QTMAN: variants seen among roughly 807,000 people sequenced by gnomAD.
QTMAN encodes the protein queuosine-tRNA mannosyltransferase, also known as tRNA-queuosine alpha-mannosyltransferase.
the QTMAN span, among the ~76,000 whole-genome samples, chr2:144,153,795 A>C: frequency 6.6e-6 from 1 of 152,218 alleles, no homozygotes; most frequent in Non-Finnish European, 1.5e-5. Flanking sequence ...TAATATTGTA[A>C]TGTTGATGGT....
chr2:144,046,640 TATATA>T, the QTMAN span, among the ~76,000 whole-genome samples: 30 of 152,234 alleles, frequency 2.0e-4, no homozygotes, highest in Non-Finnish European at 3.4e-4. Context: ...ATATTAAGAT[TATATA>T]ATATGATACA....
the QTMAN span, among the ~76,000 whole-genome samples, chr2:144,232,683 A>G: frequency 6.6e-6 from 1 of 152,208 alleles, no homozygotes; most frequent in Non-Finnish European, 1.5e-5. Flanking sequence ...TTTTTAAAAT[A>G]GATCACTCTA....
At chr2:144,145,515 C>A in the QTMAN span, 1 of 1,285,468 alleles carries the variant, frequency 7.8e-7, no homozygotes, top group African/African-American at 1.5e-5. Flanking sequence ...AAAACGTAAC[C>A]ACCTACAAAG....
the QTMAN span, chr2:144,007,419 T>C: frequency 1.2e-6 from 2 of 1,613,120 alleles, no homozygotes; most frequent in African/African-American, 1.3e-5. Context: ...CTTCAATAAA[T>C]CCTCTGAATC....
chr2:144,045,440 T>G, the QTMAN span, among the ~76,000 whole-genome samples: 2 of 152,232 alleles, frequency 1.3e-5, no homozygotes, highest in Non-Finnish European at 2.9e-5. Flanking sequence ...GATGCAAGAT[T>G]TGAATCCAGA....
At chr2:144,117,801 G>A in the QTMAN span, among the ~76,000 whole-genome samples, 1 of 151,688 alleles carries the variant, frequency 6.6e-6, no homozygotes, top group Admixed American at 6.6e-5. Context: ...TAAAGTACTT[G>A]AGATTTATCT....
chr2:144,011,120 T>C, the QTMAN span, among the ~76,000 whole-genome samples: 1 of 152,172 alleles, frequency 6.6e-6, no homozygotes, highest in Non-Finnish European at 1.5e-5. Flanking sequence ...ATTATAGTGA[T>C]TGTCACCAAA....
At chr2:143,999,049 C>T in the QTMAN span, among the ~76,000 whole-genome samples, 3 of 151,972 alleles carry the variant, frequency 2.0e-5, no homozygotes, top group African/African-American at 7.2e-5. Flanking sequence ...CTAAGTACCC[C>T]TAATTGCCAG....
chr2:144,182,977 C>T, the QTMAN span, among the ~76,000 whole-genome samples: 3 of 136,136 alleles, frequency 2.2e-5, no homozygotes, highest in African/African-American at 8.0e-5. Context: ...ATATTTGAAA[C>T]AATTATTAAG....
chr2:143,961,542 C>A, the QTMAN span, among the ~76,000 whole-genome samples: 3 of 152,134 alleles, frequency 2.0e-5, no homozygotes, highest in Non-Finnish European at 2.9e-5. Flanking sequence ...CCCAAGTACA[C>A]ATTTCTCAAA....
chr2:144,142,438 T>C, the QTMAN span, among the ~76,000 whole-genome samples: 12 of 152,094 alleles, frequency 7.9e-5, no homozygotes, highest in African/African-American at 1.9e-4. Context: ...CTGTCAGTGA[T>C]GTGCATCATT....
At chr2:144,217,786 A>C in the QTMAN span, among the ~76,000 whole-genome samples, 1 of 152,162 alleles carries the variant, frequency 6.6e-6, no homozygotes, top group South Asian at 2.1e-4. Context: ...ATGCCAATAA[A>C]GGTTTGGAGT....
the QTMAN span, among the ~76,000 whole-genome samples, chr2:144,100,179 C>T: frequency 2.0e-5 from 3 of 152,180 alleles, no homozygotes; most frequent in African/African-American, 7.2e-5. Context: ...GTATTAAGCT[C>T]TATAAAACAC....
chr2:144,128,910 T>C, the QTMAN span, among the ~76,000 whole-genome samples: 3 of 151,630 alleles, frequency 2.0e-5, no homozygotes, highest in African/African-American at 7.3e-5. Flanking sequence ...AACTTATGAA[T>C]TGTTTTGAGT....
the QTMAN span, among the ~76,000 whole-genome samples, chr2:144,058,101 G>C: frequency 7.2e-6 from 1 of 139,772 alleles, no homozygotes; most frequent in African/African-American, 3.0e-5. Flanking sequence ...AAAAAAAAAA[G>C]AAAGAAAGAA....
At chr2:144,230,758 T>A in the QTMAN span, among the ~76,000 whole-genome samples, 1 of 152,186 alleles carries the variant, frequency 6.6e-6, no homozygotes, top group African/African-American at 2.4e-5. Context: ...TGCATTTCAA[T>A]TGCTGCTTTA....
chr2:144,313,128 A>C, the QTMAN span, among the ~76,000 whole-genome samples: 1 of 152,192 alleles, frequency 6.6e-6, no homozygotes, highest in Non-Finnish European at 1.5e-5. Flanking sequence ...GGCTGGAAAA[A>C]AAAGGTCCAT....
chr2:144,237,976 T>G, the QTMAN span, among the ~76,000 whole-genome samples: 1 of 152,200 alleles, frequency 6.6e-6, no homozygotes, highest in East Asian at 1.9e-4. Flanking sequence ...GAGAGCCATT[T>G]TCTAAGCAGA....
the QTMAN span, among the ~76,000 whole-genome samples, chr2:144,078,308 T>C: frequency 2.6e-5 from 4 of 152,372 alleles, 1 homozygote; most frequent in South Asian, 8.3e-4. Flanking sequence ...TCCTACACTC[T>C]ACTGCACTTT....
Sources: allele counts gnomAD v4.1 joint callset (sites outside exome capture counted in the v4.1 genomes callset), GRCh38; gene constraint gnomAD v4.1.1; transcripts MANE v1.5; gene names NCBI Gene and HGNC (gene_info 2026-07-23, HGNC 2026-07-21).